Variants in ATP8A1 observed in about 807,000 individuals in gnomAD.
ATP8A1 encodes phospholipid-transporting ATPase IA.
A neutral mutation model predicts 177.7 loss-of-function variants in ATP8A1; 90 were observed. The ratio of observed to expected loss-of-function variants is 0.51; its 90% CI spans 0.43 to 0.60. The LOEUF (loss-of-function observed/expected upper bound fraction) is 0.60, where lower values mean the gene tolerates loss of function less well. ATP8A1 is among the 20% of genes least tolerant of loss of function. ATP8A1 has a pLI of 0.00. For missense variants in ATP8A1, 1,072 were observed against 1,392.8 expected (o/e 0.77, Z 3.67); for synonymous variants, 493 against 485.9 (o/e 1.01, Z -0.19).
At chr4:42,503,569 A>T (rs1053205912) in intron 23 of ATP8A1, 55 bp from the exon 24 acceptor site, 6 of 1,169,236 alleles carry the variant, frequency 5.1e-6, no homozygotes, top group Non-Finnish European at 7.5e-6. Flanking sequence ...ATATGTAAAG[A>T]TGTTAAAACA....
chr4:42,565,720 C>T (rs1481436381), intron 15 of ATP8A1, among the ~76,000 whole-genome samples: 2 of 152,264 alleles, frequency 1.3e-5, no homozygotes, highest in East Asian at 3.9e-4. Flanking sequence ...GTCTTAAGTG[C>T]ATATTATTGA....
At chr4:42,615,479 C>T (rs1577706867) in intron 5 of ATP8A1, among the ~76,000 whole-genome samples, 2 of 152,030 alleles carry the variant, frequency 1.3e-5, no homozygotes, top group South Asian at 2.1e-4. Context: ...AGCATGATGG[C>T]GAATTTGCTT....
At chr4:42,634,995 G>C (rs1046293143) in intron 1 of ATP8A1, among the ~76,000 whole-genome samples, 2 of 151,986 alleles carry the variant, frequency 1.3e-5, no homozygotes, top group African/African-American at 4.8e-5. Context: ...GATTAATCTC[G>C]CCTTCAAAAT....
chr4:42,472,247 G>T (rs1258681292), intron 25 of ATP8A1: 12 of 572,022 alleles, frequency 2.1e-5, no homozygotes, highest in Non-Finnish European at 4.1e-5. Flanking sequence ...CTGGATGACA[G>T]CCGGCTCATA....
At chr4:42,654,260 C>T (rs1340373251) in intron 1 of ATP8A1, among the ~76,000 whole-genome samples, 1 of 152,134 alleles carries the variant, frequency 6.6e-6, no homozygotes, top group Non-Finnish European at 1.5e-5. Context: ...CCACAGCATG[C>T]ACAATATTTA....
At chr4:42,640,814 T>C (rs1560552494) in intron 1 of ATP8A1, among the ~76,000 whole-genome samples, 1 of 151,944 alleles carries the variant, frequency 6.6e-6, no homozygotes, top group Non-Finnish European at 1.5e-5. Flanking sequence ...GGTGTCAGGG[T>C]CAACATGGAG....
In ATP8A1 at chr4:42,420,008, A is replaced by C. The variant is rs144511122; in HGVS notation, c.3305+2799T>G. On this transcript the variant is annotated intron_variant, in intron 35 of 36. Coordinates refer to ENST00000381668, the MANE Select transcript of ATP8A1 (RefSeq NM_006095.2). The stretch of plus-strand genomic sequence containing the variant: ...ACAGTGCAAGACTCCGTCTCAAAAA[A>C]AAACAAACAAACAAAAAAAAAAAAC... Among the ~76,000 whole-genome samples the C allele has an allele frequency of 4.7e-3, 608 of 128,660 alleles. 1 individual carries two copies. The highest frequency in any genetic ancestry group is 0.015 in the African/African-American group (493 of 32,412). The allele number at this position is 128,660 out of a possible 152,430, so 84.4% of individuals were successfully genotyped here.
chr4:42,441,690 C>T (rs578225517), intron 33 of ATP8A1, among the ~76,000 whole-genome samples: 1 of 152,262 alleles, frequency 6.6e-6, no homozygotes, highest in East Asian at 1.9e-4. Context: ...CATACCCACA[C>T]CAAAATGCTT....
intron 10 of ATP8A1, among the ~76,000 whole-genome samples, chr4:42,581,196 C>T (rs1012202383): frequency 1.7e-4 from 26 of 152,030 alleles, no homozygotes; most frequent in African/African-American, 4.8e-4. Context: ...TACAGTGGCG[C>T]GATCTCGGCT....
intron 6 of ATP8A1, among the ~76,000 whole-genome samples, chr4:42,593,848 A>T (rs1023265587): frequency 2.0e-5 from 3 of 152,046 alleles, no homozygotes; most frequent in African/African-American, 7.2e-5. Flanking sequence ...GCATTTCAAA[A>T]GGCATAATGG....
chr4:42,478,290 G>A (rs1721291878), intron 25 of ATP8A1, among the ~76,000 whole-genome samples: 2 of 151,988 alleles, frequency 1.3e-5, no homozygotes, highest in South Asian at 4.1e-4. Context: ...TGGGGCTGGG[G>A]GATGGCGTAC....
chr4:42,502,737 C>T (rs1012928242), intron 24 of ATP8A1, among the ~76,000 whole-genome samples: 1 of 152,200 alleles, frequency 6.6e-6, no homozygotes. Flanking sequence ...TCGTCAACAT[C>T]CCTAATTACC....
At chr4:42,580,362 A>G (rs1181520857) in intron 10 of ATP8A1, among the ~76,000 whole-genome samples, 2 of 152,244 alleles carry the variant, frequency 1.3e-5, no homozygotes, top group Admixed American at 1.3e-4. Context: ...AAGGCAGCCC[A>G]TGCTCCCGCA....
chr4:42,464,517 G>A (rs1250046688), intron 27 of ATP8A1, among the ~76,000 whole-genome samples, 173 bp downstream of exon 27: 4 of 152,004 alleles, frequency 2.6e-5, no homozygotes, highest in African/African-American at 7.2e-5. Flanking sequence ...CGCCTATCTC[G>A]GCCTCCCAGA....
intron 33 of ATP8A1, among the ~76,000 whole-genome samples, chr4:42,435,426 CAAAAAAAAAA>C (rs55945370): frequency 0.02 from 1,865 of 93,848 alleles, 57 homozygotes; most frequent in African/African-American, 0.066. Flanking sequence ...GACTTCATCT[CAAAAAAAAAA>C]AAAAAAAAAA....
intron 20 of ATP8A1, among the ~76,000 whole-genome samples, chr4:42,539,394 T>TG (rs763260307): frequency 3.1e-5 from 2 of 64,400 alleles, no homozygotes; most frequent in East Asian, 5.8e-4. Context: ...TAAAATAAAA[T>TG]ACCCCCCCCC....
chr4:42,615,580 G>C (rs1736821318), intron 5 of ATP8A1, among the ~76,000 whole-genome samples: 1 of 152,176 alleles, frequency 6.6e-6, no homozygotes. Context: ...ACAGAAGCAG[G>C]CCGGGTTGTA....
intron 27 of ATP8A1, among the ~76,000 whole-genome samples, chr4:42,458,122 A>G (rs1718688346): frequency 6.6e-6 from 1 of 152,234 alleles, no homozygotes; most frequent in African/African-American, 2.4e-5. Context: ...ACAGTGAAGT[A>G]GCCTACCAGC....
At chr4:42,461,661 T>C (rs1719173868) in intron 27 of ATP8A1, among the ~76,000 whole-genome samples, 1 of 152,086 alleles carries the variant, frequency 6.6e-6, no homozygotes, top group South Asian at 2.1e-4. Flanking sequence ...ACTAATACAA[T>C]AAATTGGTAC....
Sources: gnomAD v4.1 joint callset for allele counts (sites outside exome capture counted in the v4.1 genomes callset) on GRCh38, gnomAD v4.1.1 for gene constraint, MANE v1.5 for transcripts, NCBI Gene and HGNC (gene_info 2026-07-23, HGNC 2026-07-21) for gene names.